DGKB: variants seen among roughly 807,000 people sequenced by gnomAD.
The protein encoded by DGKB is 90 kDa diacylglycerol kinase.
In DGKB, 67 loss-of-function variants were observed where a neutral mutation model predicts 114.3. The ratio of observed to expected loss-of-function variants is 0.59; its 90% CI spans 0.48 to 0.72. DGKB has a LOEUF of 0.72. DGKB is among the 30% of genes least tolerant of loss of function. The pLI is 0.00. For synonymous variants in DGKB, 398 were observed against 323.1 expected (o/e 1.23, Z -2.49); for missense variants, 907 against 975.2 (o/e 0.93, Z 0.93).
At position 14,680,892 on chromosome 7, in the gene DGKB, G is replaced by T. The variant is rs115651149; in HGVS notation, c.1035+1661C>A. Among the ~76,000 whole-genome samples the T allele has an allele frequency of 7.7e-3, 1,177 of 151,938 alleles. 21 individuals are homozygous for T. The highest frequency in any genetic ancestry group is 0.027 in the African/African-American group (1,101 of 41,496). On this transcript the variant is annotated intron_variant, in intron 12 of 25. Coordinates refer to ENST00000402815, the MANE Select transcript of DGKB (RefSeq NM_001350709.2). ...CATTGATTTTTTAAGAACTAAAAAAGAAAATATGAATAATAAACCTAAGAC... is the reference window on the plus strand; with the variant it reads ...CATTGATTTTTTAAGAACTAAAAAATAAAATATGAATAATAAACCTAAGAC...
intron 20 of DGKB, among the ~76,000 whole-genome samples, chr7:14,503,955 A>T (rs962583981): frequency 5.3e-5 from 8 of 152,192 alleles, no homozygotes; most frequent in Non-Finnish European, 7.3e-5. Flanking sequence ...TTTCTATTAA[A>T]GCTGCCTTAG....
chr7:14,636,416 AG>A, intron 13 of DGKB, among the ~76,000 whole-genome samples: 2 of 151,970 alleles, frequency 1.3e-5, no homozygotes, highest in East Asian at 1.9e-4. Flanking sequence ...GAAATAAAAG[AG>A]GGTAGCGATA....
intron 25 of DGKB, among the ~76,000 whole-genome samples, chr7:14,158,544 A>G (rs1026737404): frequency 1.3e-5 from 2 of 152,192 alleles, no homozygotes; most frequent in African/African-American, 4.8e-5. Context: ...AACCTTGGCT[A>G]TTTGGAGCAT....
intron 2 of DGKB, among the ~76,000 whole-genome samples, chr7:14,834,625 A>T (rs1376999320): frequency 6.6e-6 from 1 of 152,142 alleles, no homozygotes; most frequent in Non-Finnish European, 1.5e-5. Flanking sequence ...ACTGTAGACA[A>T]TGTGAGATGA....
chr7:14,899,750 T>A (rs1029201353), intron 1 of DGKB, among the ~76,000 whole-genome samples: 2 of 152,112 alleles, frequency 1.3e-5, no homozygotes, highest in African/African-American at 4.8e-5. Context: ...TTTAGGTGGA[T>A]CCAATTTTGG....
At chr7:14,588,703 A>T (rs995684195) in intron 17 of DGKB, among the ~76,000 whole-genome samples, 1 of 152,012 alleles carries the variant, frequency 6.6e-6, no homozygotes, top group Non-Finnish European at 1.5e-5. Flanking sequence ...AAAGTCCATG[A>T]TAAGTATTAT....
chr7:14,282,120 C>A (rs1280117716), intron 23 of DGKB, among the ~76,000 whole-genome samples: 5 of 60,082 alleles, frequency 8.3e-5, no homozygotes, highest in African/African-American at 2.6e-4. Context: ...GCTAGCAAGA[C>A]TAATAAAGAA....
At chr7:14,364,507 G>C (rs1816316591) in intron 21 of DGKB, among the ~76,000 whole-genome samples, 1 of 152,018 alleles carries the variant, frequency 6.6e-6, no homozygotes, top group African/African-American at 2.4e-5. Flanking sequence ...CGTCACAATA[G>C]AGTAATTTTC....
chr7:14,612,976 A>G (rs1805841249), intron 16 of DGKB, among the ~76,000 whole-genome samples: 1 of 152,062 alleles, frequency 6.6e-6, no homozygotes, highest in Admixed American at 6.6e-5. Flanking sequence ...GTTGGGTATA[A>G]ATTCGGTTCC....
chr7:14,246,713 G>C (rs1158710413), intron 23 of DGKB, among the ~76,000 whole-genome samples: 2 of 151,994 alleles, frequency 1.3e-5, no homozygotes, highest in East Asian at 3.9e-4. Flanking sequence ...GTATATATTG[G>C]AGGTGTACAA....
chr7:14,293,005 T>C, intron 23 of DGKB, among the ~76,000 whole-genome samples: 1 of 152,138 alleles, frequency 6.6e-6, no homozygotes, highest in Admixed American at 6.6e-5. Context: ...TGCCTGTAAA[T>C]CATTCTTAGG....
chr7:14,831,497 G>A (rs1193501207), intron 2 of DGKB, among the ~76,000 whole-genome samples: 1 of 151,952 alleles, frequency 6.6e-6, no homozygotes, highest in Non-Finnish European at 1.5e-5. Context: ...CTTTATAAAA[G>A]ACTCAGATTC....
Position 14,841,226 on chromosome 7 carries a change from G to A in DGKB, c.38C>T (p.Ser13Leu), listed in dbSNP as rs747038198. Residue 13 changes from serine to leucine, a missense_variant, in exon 2 of 26, where the codon TCG becomes TTG. Physicochemically the swap from Ser to Leu is moderately radical, Grantham distance 145. This residue lies in a region of DGKB where 814 missense variants were observed against 856.6 expected (regional missense o/e 0.95). Transcript: ENST00000402815. Reference protein sequence around the residue: ...NQEKWAHLSPSEFSQLQKYAE... With the variant: ...NQEKWAHLSPLEFSQLQKYAE... ...ATATTTCTGAAGTTGGGAAAATTCCGAAGGGCTGAGGTGGGCCCATTTTTC... is the reference window on the plus strand; with the variant it reads ...ATATTTCTGAAGTTGGGAAAATTCCAAAGGGCTGAGGTGGGCCCATTTTTC... The A allele has an allele frequency of 2.7e-5, 43 of 1,613,308 alleles. No individual in the cohort carries two copies. The Middle Eastern group carries it at 2.8e-3, about 105-fold the overall frequency.
chr7:14,597,135 G>A (rs1655459991), intron 17 of DGKB, among the ~76,000 whole-genome samples: 1 of 152,088 alleles, frequency 6.6e-6, no homozygotes, highest in African/African-American at 2.4e-5. Flanking sequence ...GTGAACCCAG[G>A]AGGCGGAGCT....
chr7:14,319,671 G>A (rs1023374807), intron 23 of DGKB, among the ~76,000 whole-genome samples: 14 of 152,162 alleles, frequency 9.2e-5, no homozygotes, highest in Non-Finnish European at 1.5e-5. Context: ...TAAATGATAT[G>A]TAGGCTGTAG....
intron 23 of DGKB, among the ~76,000 whole-genome samples, chr7:14,201,371 A>T (rs996276483): frequency 6.6e-6 from 1 of 152,026 alleles, no homozygotes; most frequent in Non-Finnish European, 1.5e-5. Context: ...ACCATTGCAG[A>T]TGGATTCAAA....
chr7:14,945,306 T>A (rs1255623899), intron 1 of DGKB, among the ~76,000 whole-genome samples: 1 of 151,674 alleles, frequency 6.6e-6, no homozygotes, highest in Non-Finnish European at 1.5e-5. Context: ...AGTTAGAAGG[T>A]GGAGGTGTGC....
intron 21 of DGKB, among the ~76,000 whole-genome samples, chr7:14,354,959 G>C (rs1296681849): frequency 6.6e-6 from 1 of 152,148 alleles, no homozygotes; most frequent in Non-Finnish European, 1.5e-5. Flanking sequence ...CTGGACTATG[G>C]ATGATCACAT....
chr7:14,958,463 A>ACACACT (rs1786647109), intron 1 of DGKB, among the ~76,000 whole-genome samples: 1 of 144,644 alleles, frequency 6.9e-6, no homozygotes, highest in South Asian at 2.2e-4. Flanking sequence ...ACACACACAC[A>ACACACT]CACACACACA....
Sources: gnomAD v4.1 joint callset for allele counts (sites outside exome capture counted in the v4.1 genomes callset) on GRCh38, gnomAD v4.1.1 for gene constraint, gnomAD v4.1.1 regional missense constraint, MANE v1.5 for transcripts, NCBI Gene and HGNC (gene_info 2026-07-23, HGNC 2026-07-21) for gene names.